Variants in POMT2 observed in about 807,000 individuals in gnomAD.
POMT2 encodes the protein protein O-mannosyl-transferase 2.
In POMT2, 75 loss-of-function variants were observed where a neutral mutation model predicts 100.0. That is an observed-to-expected ratio of 0.75 (90% CI 0.62 to 0.91). The LOEUF (loss-of-function observed/expected upper bound fraction) is 0.91. POMT2 is among the 40% of genes least tolerant of loss of function. POMT2 has a pLI of 0.00. For synonymous variants in POMT2, 378 were observed against 374.1 expected, an observed-to-expected ratio of 1.01 and a Z score of -0.12; for missense variants, 940 against 955.1, an observed-to-expected ratio of 0.98 and a Z score of 0.21.
rs1890097643 is a variant in POMT2, at chr14:77,278,975, T to C, written c.1892-106A>G. 3.6e-6 allele frequency: 5 copies of C among 1,406,740 alleles called. No individual in the cohort carries two copies. The South Asian group carries it at 4.9e-5, about 14-fold the overall frequency. The allele number at this position is 1,406,740 out of a possible 1,614,324, so 87.1% of individuals were successfully genotyped here. Reference sequence around the variant, plus strand: ...TTGCTGTGTGACCTTGAATATGTCATATCACCTCATTGGACCAACCCAAAC... The same window carrying C: ...TTGCTGTGTGACCTTGAATATGTCACATCACCTCATTGGACCAACCCAAAC... On this transcript the variant is annotated intron_variant, in intron 18 of 20. Transcript: ENST00000261534.
In POMT2 at chr14:77,296,160, TG is replaced by T. The variant is rs1476923360; in HGVS notation, c.1116+3del. ...CCGTACAAGTGCACAAAAGGCTCAC[TG>T]ACCTGCTGCTGACGGGCACCAATGC... On this transcript the variant is annotated splice_donor_region_variant and intron_variant, in intron 9 of 20. Transcript: ENST00000261534. The T allele has an allele frequency of 6.3e-7, 1 of 1,593,890 alleles. No individual in the cohort carries two copies. The highest frequency in any genetic ancestry group is 8.5e-7 in the Non-Finnish European group (1 of 1,170,156).
At chr14:77,284,812 T>A (rs1253202438) in intron 14 of POMT2, 138 bp downstream of exon 14, 1 of 751,570 alleles carries the variant, frequency 1.3e-6, no homozygotes, top group South Asian at 1.6e-5. Flanking sequence ...AGACAACTCA[T>A]AGAAAGAGAG....
chr14:77,283,904 T>TTGTC, intron 14 of POMT2, 31 bp from the exon 15 acceptor site: 1 of 1,531,194 alleles, frequency 6.5e-7, no homozygotes, highest in Non-Finnish European at 9.1e-7. Flanking sequence ...AGAAAAGCCT[T>TTGTC]TGTCATACAT....
chr14:77,291,092 T>C (rs113276802), intron 10 of POMT2, among the ~76,000 whole-genome samples: 1 of 152,182 alleles, frequency 6.6e-6, no homozygotes, highest in African/African-American at 2.4e-5. Context: ...GAGCAAGTTC[T>C]TACCTGTTTT....
chr14:77,320,827 G>C lies in POMT2; in HGVS notation c.-146C>G. 7.3e-7 allele frequency: 1 copy of C among 1,363,362 alleles called. No individual in the cohort carries two copies. Among genetic ancestry groups the C allele is most frequent in the Non-Finnish European group, 9.4e-7 (1 of 1,061,738 alleles). 84.5% of individuals were successfully genotyped at this position (1,363,362 alleles called of 1,614,324 possible). A position where few individuals can be genotyped will look rare whatever the true frequency, so the allele number is the denominator to read the frequency against. Reference sequence around the variant, plus strand: ...CAGCGGAGCGCGGGGCCCCGGGCTCGGGGCGGGGCGGGCAGCGTGGTCGCG... The same window carrying C: ...CAGCGGAGCGCGGGGCCCCGGGCTCCGGGCGGGGCGGGCAGCGTGGTCGCG... On this transcript the variant is annotated 5_prime_UTR_variant, in exon 1 of 21. Transcript: ENST00000261534.
At chr14:77,318,390 A>G in intron 1 of POMT2, among the ~76,000 whole-genome samples, 1 of 152,222 alleles carries the variant, frequency 6.6e-6, no homozygotes, top group South Asian at 2.1e-4. Context: ...AACTATTCCC[A>G]CGTGCCTGAT....
chr14:77,292,147 T>G (rs2140206579), intron 9 of POMT2, among the ~76,000 whole-genome samples: 1 of 152,336 alleles, frequency 6.6e-6, no homozygotes, highest in African/African-American at 2.4e-5. Context: ...TATCCTGTCC[T>G]AGAATTTAAC....
intron 15 of POMT2, among the ~76,000 whole-genome samples, chr14:77,282,605 G>T (rs1890273824): frequency 6.6e-6 from 1 of 152,124 alleles, no homozygotes; most frequent in South Asian, 2.1e-4. Context: ...TGACTGACAG[G>T]CACATGTTCA....
At chr14:77,309,080 G>A (rs960934629) in intron 2 of POMT2, among the ~76,000 whole-genome samples, 1 of 152,192 alleles carries the variant, frequency 6.6e-6, no homozygotes, top group Admixed American at 6.5e-5. Flanking sequence ...CTGAACAACT[G>A]TAGACTTATC....
intron 1 of POMT2, among the ~76,000 whole-genome samples, chr14:77,320,018 G>C (rs7160188): frequency 0.23 from 35,271 of 152,014 alleles, 4,966 homozygotes; most frequent in East Asian, 0.43. Flanking sequence ...TGCCCTATAG[G>C]ATAAAGGTAC....
At position 77,286,819 on chromosome 14, in the gene POMT2, A is replaced by C; in HGVS notation, c.1257T>G (p.Thr419=). Reference sequence around the variant, plus strand: ...GATAGTGACTGTGCAAGTTCCGGGAAGTTCTAGAAGTTAGAAAAGAGAAGT... The same window carrying C: ...GATAGTGACTGTGCAAGTTCCGGGACGTTCTAGAAGTTAGAAAAGAGAAGT... ...GDIIRLEHKE[T]SRNLHSHYHE... The change falls in exon 12 of 21, where the codon ACT becomes ACG. Residue 419 remains threonine, a synonymous_variant. Coordinates refer to ENST00000261534, the MANE Select transcript of POMT2 (RefSeq NM_013382.7). 2 of 1,614,190 alleles carry C rather than the reference A, an allele frequency of 1.2e-6. No homozygotes were observed. The highest frequency in any genetic ancestry group is 1.6e-4 in the Middle Eastern group (1 of 6,062).
At chr14:77,291,978 T>C (rs1890659019) in intron 9 of POMT2, among the ~76,000 whole-genome samples, 1 of 151,854 alleles carries the variant, frequency 6.6e-6, no homozygotes, top group Non-Finnish European at 1.5e-5. Flanking sequence ...TGCAGTGAGC[T>C]GAGATCGCGC....
chr14:77,308,366 T>TG (rs1327398694), intron 2 of POMT2, among the ~76,000 whole-genome samples: 2 of 150,000 alleles, frequency 1.3e-5, no homozygotes, highest in Admixed American at 1.3e-4. Flanking sequence ...GTTTTTTTTT[T>TG]TTTTTTGAGA....
At chr14:77,296,957 C>G (rs1462405401) in intron 8 of POMT2, among the ~76,000 whole-genome samples, 1 of 152,184 alleles carries the variant, frequency 6.6e-6, no homozygotes, top group Non-Finnish European at 1.5e-5. Flanking sequence ...CCTGGAAGAG[C>G]CCTGTCTACA....
Position 77,280,442 on chromosome 14 carries a change from T to C in POMT2, c.1675A>G (p.Lys559Glu). 1 of 1,614,200 alleles carries C rather than the reference T, an allele frequency of 6.2e-7. No homozygotes were observed. The highest frequency in any genetic ancestry group is 8.5e-7 in the Non-Finnish European group (1 of 1,180,030). ...MIRGNSGLKP[K>E]DNEFTSKPWH... ...GGTTTGGACGTGAACTCATTGTCCT[T>C]GGGTTTGAGGCCACTGTTCCCCTGC... is the stretch of plus-strand genomic sequence containing the variant. Residue 559 changes from lysine to glutamate, a missense_variant, in exon 16 of 21, where the codon AAG (lysine) becomes GAG (glutamate). Transcript: ENST00000261534.
At chr14:77,284,595 C>T (rs556170942) in intron 14 of POMT2, among the ~76,000 whole-genome samples, 26 of 151,034 alleles carry the variant, frequency 1.7e-4, no homozygotes, top group African/African-American at 5.6e-4. Context: ...TGTGGGGGGG[C>T]GGGGGAGCGA....
At chr14:77,309,179 A>G (rs796837703) in intron 2 of POMT2, among the ~76,000 whole-genome samples, 4 of 152,378 alleles carry the variant, frequency 2.6e-5, no homozygotes, top group African/African-American at 7.2e-5. Flanking sequence ...GTATTTGTAT[A>G]AAAGAATTCC....
chr14:77,315,878 T>C (rs1891605137), intron 1 of POMT2, among the ~76,000 whole-genome samples: 1 of 152,000 alleles, frequency 6.6e-6, no homozygotes, highest in Non-Finnish European at 1.5e-5. Flanking sequence ...CCAGGCGTGA[T>C]AGGGGCGCCT....
Position 77,312,168 on chromosome 14 carries a change from A to T in POMT2, c.249-135T>A, listed in dbSNP as rs547923863. ...GCAAAAGTCTGGATTTAAAAAAAAA[A>T]TATTTTGACACAAGTGATTTTAGGA... On this transcript the variant is annotated intron_variant, in intron 1 of 20. Transcript: ENST00000261534. The T allele has an allele frequency of 4.6e-5, 64 of 1,382,516 alleles. No individual in the cohort carries two copies. The African/African-American group carries it at 8.6e-4, about 19-fold the overall frequency. 85.6% of individuals were successfully genotyped at this position (1,382,516 alleles called of 1,614,324 possible).
Sources: allele counts gnomAD v4.1 joint callset (sites outside exome capture counted in the v4.1 genomes callset), GRCh38; gene constraint gnomAD v4.1.1; transcripts MANE v1.5; gene names NCBI Gene and HGNC (gene_info 2026-07-23, HGNC 2026-07-21).